CHCHD6: variants seen among roughly 807,000 people sequenced by gnomAD.
The protein encoded by CHCHD6 is coiled-coil-helix-coiled-coil-helix domain containing 6.
A neutral mutation model predicts 32.3 loss-of-function variants in CHCHD6; 28 were observed. The ratio of observed to expected loss-of-function variants is 0.87; its 90% CI spans 0.64 to 1.19. The LOEUF is 1.19. Among genes scored for constraint, CHCHD6 ranks in the 50% most tolerant of loss-of-function variants. CHCHD6 has a pLI of 0.00. For missense variants in CHCHD6, 333 were observed against 307.0 expected (o/e 1.08, Z -0.63); for synonymous variants, 122 against 117.5 (o/e 1.04, Z -0.25).
intron 4 of CHCHD6, among the ~76,000 whole-genome samples, chr3:126,753,574 G>A (rs1433968294): frequency 1.3e-5 from 2 of 152,146 alleles, no homozygotes; most frequent in Admixed American, 6.6e-5. Flanking sequence ...AACCTTATTG[G>A]GACCTTGGCT....
intron 1 of CHCHD6, among the ~76,000 whole-genome samples, chr3:126,722,354 G>A (rs1935347308): frequency 6.6e-6 from 1 of 152,058 alleles, no homozygotes; most frequent in Non-Finnish European, 1.5e-5. Flanking sequence ...TTAGAGAAAG[G>A]GCCTCACTGT....
intron 4 of CHCHD6, among the ~76,000 whole-genome samples, chr3:126,829,481 A>G (rs1940543659): frequency 6.6e-6 from 1 of 151,820 alleles, no homozygotes; most frequent in East Asian, 1.9e-4. Context: ...TATTTTGTCT[A>G]GAATCTATCA....
In CHCHD6 at chr3:126,876,266, G is replaced by T. The variant is rs189497584; in HGVS notation, c.495+23536G>T. On this transcript the variant is annotated intron_variant, in intron 5 of 7. Coordinates refer to ENST00000290913, the MANE Select transcript of CHCHD6 (RefSeq NM_032343.3). ...ACCCAGTGCAGGTGTTACTGGTGTG[G>T]GTGGTGTTTAGAAAGAAGCTTGATG... 1.9e-3 allele frequency among the ~76,000 whole-genome samples: 296 copies of T among 152,358 alleles called. 3 individuals carry two copies. Among genetic ancestry groups the T allele is most frequent in the African/African-American group, 6.7e-3 (279 of 41,588 alleles).
At chr3:126,764,200 C>CATATATATAT (rs143293559) in intron 4 of CHCHD6, among the ~76,000 whole-genome samples, 279 of 139,788 alleles carry the variant, frequency 2.0e-3, no homozygotes, top group South Asian at 5.4e-3. Context: ...TACATACATG[C>CATATATATAT]ATATATATAT....
chr3:126,906,235 C>T (rs900434186), intron 5 of CHCHD6, among the ~76,000 whole-genome samples: 2 of 152,240 alleles, frequency 1.3e-5, no homozygotes, highest in Admixed American at 6.5e-5. Flanking sequence ...TCCATGCTCC[C>T]TCAGGGAATG....
chr3:126,710,573 A>G (rs1221427094), intron 1 of CHCHD6, among the ~76,000 whole-genome samples: 1 of 152,180 alleles, frequency 6.6e-6, no homozygotes, highest in African/African-American at 2.4e-5. Flanking sequence ...GTATACACGA[A>G]ATATCTCTTC....
rs561871482 is a variant in CHCHD6 at position 126,803,059 on chromosome 3, A to G, written c.412-49588A>G. The stretch of plus-strand genomic sequence containing the variant: ...GGCCTGCCCTACAAGAGCTCCTGAC[A>G]CAAGCACTAAACGTGGAAAGGAACA... On this transcript the variant is annotated intron_variant, in intron 4 of 7. Coordinates refer to ENST00000290913, the MANE Select transcript of CHCHD6 (RefSeq NM_032343.3). Among the ~76,000 whole-genome samples the G allele has an allele frequency of 9.6e-3, 1,468 of 152,282 alleles. 12 individuals are homozygous for G. The highest frequency in any genetic ancestry group is 0.017 in the Non-Finnish European group (1,170 of 68,028).
intron 6 of CHCHD6, among the ~76,000 whole-genome samples, chr3:126,919,225 C>A (rs1281428296): frequency 1.3e-5 from 2 of 151,634 alleles, no homozygotes; most frequent in African/African-American, 4.8e-5. Flanking sequence ...TAGTCATGTT[C>A]AAATTTTCTG....
chr3:126,804,751 A>G (rs1939273103), intron 4 of CHCHD6, among the ~76,000 whole-genome samples: 1 of 152,122 alleles, frequency 6.6e-6, no homozygotes, highest in African/African-American at 2.4e-5. Context: ...AACAAAAAAA[A>G]GAGAATTTTA....
chr3:126,789,945 T>C (rs1376220207), intron 4 of CHCHD6, among the ~76,000 whole-genome samples: 1 of 152,228 alleles, frequency 6.6e-6, no homozygotes, highest in Non-Finnish European at 1.5e-5. Context: ...TTTGGCATGT[T>C]TTTGCAGTGG....
chr3:126,774,479 A>G (rs918797308), intron 4 of CHCHD6, among the ~76,000 whole-genome samples: 1 of 152,182 alleles, frequency 6.6e-6, no homozygotes, highest in African/African-American at 2.4e-5. Context: ...GTGTAGTTCC[A>G]TGTCACTTTA....
At chr3:126,916,825 C>T (rs1234594277) in intron 6 of CHCHD6, among the ~76,000 whole-genome samples, 4 of 152,240 alleles carry the variant, frequency 2.6e-5, no homozygotes, top group Non-Finnish European at 5.9e-5. Context: ...ATGTGATCCC[C>T]GGAGGTGGGC....
chr3:126,784,286 G>C (rs969295901), intron 4 of CHCHD6, among the ~76,000 whole-genome samples: 1 of 152,002 alleles, frequency 6.6e-6, no homozygotes, highest in South Asian at 2.1e-4. Flanking sequence ...TTTGCTCTTC[G>C]TGCTCTCTTT....
chr3:126,871,370 G>A (rs546665572), intron 5 of CHCHD6, among the ~76,000 whole-genome samples: 1 of 152,110 alleles, frequency 6.6e-6, no homozygotes, highest in African/African-American at 2.4e-5. Context: ...TCTTGTTCCT[G>A]GTTGGTTCCC....
intron 4 of CHCHD6, among the ~76,000 whole-genome samples, chr3:126,844,647 C>CA (rs1941228564): frequency 6.6e-6 from 1 of 152,162 alleles, no homozygotes; most frequent in Non-Finnish European, 1.5e-5. Flanking sequence ...TTTGCCTTCT[C>CA]ATTGGGGAGT....
At chr3:126,706,067 T>C (rs551369286) in intron 1 of CHCHD6, among the ~76,000 whole-genome samples, 52 of 152,084 alleles carry the variant, frequency 3.4e-4, no homozygotes, top group South Asian at 1.7e-3. Context: ...GGAACCTGAA[T>C]TGGAATTTAG....
chr3:126,722,309 C>T (rs972541791), intron 1 of CHCHD6, among the ~76,000 whole-genome samples: 1 of 152,124 alleles, frequency 6.6e-6, no homozygotes, highest in African/African-American at 2.4e-5. Flanking sequence ...GCATGTGGCA[C>T]CACACCTGGC....
chr3:126,766,485 G>A (rs979475120), intron 4 of CHCHD6: 13 of 734,162 alleles, frequency 1.8e-5, no homozygotes, highest in South Asian at 4.1e-5. Flanking sequence ...TCTCTTTCTC[G>A]GTCTCACTTT....
At chr3:126,727,956 C>T (rs994585492) in intron 2 of CHCHD6, among the ~76,000 whole-genome samples, 16 of 151,420 alleles carry the variant, frequency 1.1e-4, no homozygotes, top group African/African-American at 3.4e-4. Context: ...GTCTGTCTAT[C>T]AGATTCCGTA....
Sources: gnomAD v4.1 joint callset for allele counts (sites outside exome capture counted in the v4.1 genomes callset) on GRCh38, gnomAD v4.1.1 for gene constraint, MANE v1.5 for transcripts, NCBI Gene and HGNC (gene_info 2026-07-23, HGNC 2026-07-21) for gene names.